COL26A1: variants seen among roughly 807,000 people sequenced by gnomAD.
COL26A1 encodes collagen alpha-1(XXVI) chain.
COL26A1 carries 41 observed loss-of-function variants against 59.3 expected under a neutral mutation model. The observed-to-expected ratio is 0.69, with a 90% CI of 0.54 to 0.90. The LOEUF (loss-of-function observed/expected upper bound fraction) is 0.90, where lower values mean the gene tolerates loss of function less well. Among genes scored for constraint, COL26A1 ranks in the 40% least tolerant of loss-of-function variants. COL26A1 has a pLI of 0.00. For missense variants in COL26A1, 612 were observed against 602.3 expected, an observed-to-expected ratio of 1.02 and a Z score of -0.17; for synonymous variants, 266 against 256.0, an observed-to-expected ratio of 1.04 and a Z score of -0.37.
intron 1 of COL26A1, among the ~76,000 whole-genome samples, chr7:101,407,246 C>G (rs929758280): frequency 3.3e-5 from 5 of 152,174 alleles, no homozygotes; most frequent in Non-Finnish European, 2.9e-5. Context: ...GCCATGAGAG[C>G]AAGTCTGGTC....
At chr7:101,530,591 A>G (rs935701072) in intron 3 of COL26A1, among the ~76,000 whole-genome samples, 4 of 148,700 alleles carry the variant, frequency 2.7e-5, no homozygotes, top group African/African-American at 9.9e-5. Flanking sequence ...AAAAAAAAAA[A>G]GCAGGCACTG....
At chr7:101,479,318 C>G (rs1794110346) in intron 3 of COL26A1, among the ~76,000 whole-genome samples, 2 of 152,294 alleles carry the variant, frequency 1.3e-5, no homozygotes, top group Admixed American at 1.3e-4. Flanking sequence ...CTAATACATC[C>G]AAATTTAAGC....
chr7:101,484,130 G>A (rs1028600811), intron 3 of COL26A1, among the ~76,000 whole-genome samples: 3 of 151,612 alleles, frequency 2.0e-5, no homozygotes, highest in African/African-American at 7.3e-5. Context: ...GGTTACAAAT[G>A]TGAGCTACTG....
chr7:101,367,452 G>T (rs1378594198), intron 1 of COL26A1, among the ~76,000 whole-genome samples: 1 of 152,114 alleles, frequency 6.6e-6, no homozygotes, highest in Non-Finnish European at 1.5e-5. Context: ...ATCACCTGAG[G>T]TCAGGAGTTT....
chr7:101,382,250 T>G (rs1791466575), intron 1 of COL26A1, among the ~76,000 whole-genome samples: 1 of 152,128 alleles, frequency 6.6e-6, no homozygotes, highest in South Asian at 2.1e-4. Flanking sequence ...GGTCTTGCTA[T>G]CTTGTCCAGG....
chr7:101,526,400 C>G (rs1795249301), intron 3 of COL26A1, among the ~76,000 whole-genome samples: 2 of 152,128 alleles, frequency 1.3e-5, no homozygotes, highest in Admixed American at 6.5e-5. Flanking sequence ...GTTGGGGTGG[C>G]CTGCTGGTGG....
intron 2 of COL26A1, among the ~76,000 whole-genome samples, chr7:101,435,690 C>A (rs1412485135): frequency 6.6e-6 from 1 of 152,166 alleles, no homozygotes; most frequent in African/African-American, 2.4e-5. Context: ...GGCTCTGGGG[C>A]CTGATAGACT....
chr7:101,516,894 A>T (rs144326222), intron 3 of COL26A1, among the ~76,000 whole-genome samples: 157 of 152,294 alleles, frequency 1.0e-3, no homozygotes, highest in African/African-American at 3.4e-3. Context: ...CCTAAGAAAG[A>T]GCCAGATCGT....
Position 101,557,452 on chromosome 7 carries a change from A to C in COL26A1, c.1248A>C (p.Gln416His), listed in dbSNP as rs763864400. 45 of 1,613,528 alleles carry C rather than the reference A, an allele frequency of 2.8e-5. No homozygotes were observed. In the South Asian group the frequency reaches 4.4e-4, roughly 16 times the overall value. ...TCAAGATGAAGAGGGGTGGCGCCCA[A>C]CCCGATGGGGTCCTTGCTGCCCTGC... ...ANLKMKRGGA[Q>H]PDGVLAALLG... The change falls in exon 13 of 13, where the codon CAA becomes CAC. Residue 416 changes from glutamine (Q) to histidine (H), a missense_variant. Gln to His is a conservative substitution (Grantham distance 24, BLOSUM62 0). Coordinates refer to ENST00000313669, the MANE Select transcript of COL26A1 (RefSeq NM_001278563.3).
At chr7:101,369,625 A>AT (rs1006887197) in intron 1 of COL26A1, among the ~76,000 whole-genome samples, 213 of 146,978 alleles carry the variant, frequency 1.4e-3, no homozygotes, top group East Asian at 1.3e-3. Context: ...ATATTTTTGT[A>AT]TTTTTTTTTA....
intron 1 of COL26A1, among the ~76,000 whole-genome samples, chr7:101,393,499 G>A (rs1315446925): frequency 2.0e-5 from 3 of 152,104 alleles, no homozygotes. Context: ...ATGAGATGGT[G>A]CCCACCCAGA....
At chr7:101,544,126 G>T (rs374745477) in intron 6 of COL26A1, 30 bp downstream of exon 6, 2 of 1,525,648 alleles carry the variant, frequency 1.3e-6, no homozygotes, top group Middle Eastern at 1.7e-4. Context: ...ATGTGATGTT[G>T]TCAACCTGCG....
intron 2 of COL26A1, among the ~76,000 whole-genome samples, chr7:101,423,734 CA>C (rs976733566): frequency 1.4e-5 from 2 of 146,390 alleles, no homozygotes; most frequent in Admixed American, 6.8e-5. Flanking sequence ...GACTCCGTCG[CA>C]AAAAAAAAGA....
At chr7:101,452,678 A>T (rs1793372038) in intron 3 of COL26A1, among the ~76,000 whole-genome samples, 1 of 152,144 alleles carries the variant, frequency 6.6e-6, no homozygotes, top group Non-Finnish European at 1.5e-5. Flanking sequence ...TGAATTCTGG[A>T]GGCATTAGGA....
rs1197575545 is a variant in COL26A1 at position 101,558,225 on chromosome 7, C to T, written c.*695C>T. ...CCACTGGCTGGGGGAGCAGCCTGGA[C>T]TGCAGCTCTCAGAGGCCAGGGAGAC... On this transcript the variant is annotated 3_prime_UTR_variant, in exon 13 of 13. Coordinates refer to ENST00000313669, the MANE Select transcript of COL26A1 (RefSeq NM_001278563.3). 6.6e-6 allele frequency: 1 copy of T among 152,444 alleles called. No homozygotes were observed. The highest frequency in any genetic ancestry group is 1.5e-5 in the Non-Finnish European group (1 of 68,226). The allele number at this position is 152,444 out of a possible 1,614,324, so 9.4% of individuals were successfully genotyped here. A position where few individuals can be genotyped will look rare whatever the true frequency, so the allele number is the denominator to read the frequency against.
At chr7:101,405,304 A>T (rs1792103791) in intron 1 of COL26A1, among the ~76,000 whole-genome samples, 1 of 152,132 alleles carries the variant, frequency 6.6e-6, no homozygotes, top group African/African-American at 2.4e-5. Flanking sequence ...CTGGTAAGGA[A>T]AGGAGACAAG....
intron 1 of COL26A1, among the ~76,000 whole-genome samples, chr7:101,364,483 A>T (rs549241142): frequency 1.3e-5 from 2 of 151,640 alleles, no homozygotes; most frequent in African/African-American, 2.4e-5. Context: ...AAAACATTAG[A>T]GTAGTATCTT....
At chr7:101,554,369 A>C (rs1187950526) in intron 11 of COL26A1, among the ~76,000 whole-genome samples, 2 of 152,070 alleles carry the variant, frequency 1.3e-5, no homozygotes, top group Non-Finnish European at 2.9e-5. Context: ...TGCAGGAGGT[A>C]GTAAGAGGGG....
At chr7:101,377,405 C>G (rs1791343800) in intron 1 of COL26A1, among the ~76,000 whole-genome samples, 1 of 152,108 alleles carries the variant, frequency 6.6e-6, no homozygotes, top group African/African-American at 2.4e-5. Context: ...TCTGCCTTGT[C>G]TCATGCAGCC....
Sources: allele counts gnomAD v4.1 joint callset (sites outside exome capture counted in the v4.1 genomes callset), GRCh38; gene constraint gnomAD v4.1.1; transcripts MANE v1.5; gene names NCBI Gene and HGNC (gene_info 2026-07-23, HGNC 2026-07-21).